Variants in USP53 observed in about 807,000 individuals in gnomAD.
USP53 encodes the protein ubiquitin specific peptidase 53, also known as ubiquitin carboxyl-terminal hydrolase 53.
Under a neutral mutation model 94.9 loss-of-function variants are expected in USP53, and 71 were observed. The observed-to-expected ratio is 0.75, with a 90% CI of 0.62 to 0.91. USP53 has a LOEUF of 0.91. Ranked by LOEUF, USP53 falls within the 40% of genes least tolerant of loss-of-function variation. The probability of loss-of-function intolerance (pLI) is 0.00; values close to 1 mark genes in which losing one functional copy is unlikely to be tolerated. For synonymous variants in USP53, 375 were observed against 422.7 expected (o/e 0.89, Z 1.39); for missense variants, 1,173 against 1,281.0 (o/e 0.92, Z 1.29).
intron 12 of USP53, among the ~76,000 whole-genome samples, chr4:119,264,977 T>C (rs1750933522): frequency 6.6e-6 from 1 of 152,188 alleles, no homozygotes; most frequent in African/African-American, 2.4e-5. Flanking sequence ...AGGACTGAAC[T>C]ATTGAACTGA....
rs370831967 is a variant in USP53 at position 119,245,001 on chromosome 4, G to A, written c.145-336G>A. 2.6e-5 allele frequency among the ~76,000 whole-genome samples: 4 copies of A among 152,134 alleles called. No homozygotes were observed. The East Asian group carries it at 5.8e-4, about 22-fold the overall frequency. On this transcript the variant is annotated intron_variant, in intron 5 of 18. Transcript: ENST00000692078. ...GTATTATAATCACTTCCTCTTTCATGTCTCTGCCAACTTCTCTATTTAGTA... is the reference window on the plus strand; with the variant it reads ...GTATTATAATCACTTCCTCTTTCATATCTCTGCCAACTTCTCTATTTAGTA...
At chr4:119,266,716 T>C (rs766988317) in intron 12 of USP53, among the ~76,000 whole-genome samples, 2 of 152,182 alleles carry the variant, frequency 1.3e-5, no homozygotes, top group Non-Finnish European at 2.9e-5. Flanking sequence ...GTTGCTTATT[T>C]TTTTTCAATT....
Position 119,248,036 on chromosome 4 carries a change from A to G in USP53, c.238-712A>G, listed in dbSNP as rs1748481438. 2.0e-5 allele frequency among the ~76,000 whole-genome samples: 3 copies of G among 152,164 alleles called. 1 individual carries two copies. The highest frequency in any genetic ancestry group is 4.1e-4 in the South Asian group (2 of 4,826). On this transcript the variant is annotated intron_variant, in intron 6 of 18. Transcript: ENST00000692078. ...GCTAACATGGGACTGAATGTGACCAATACTACTTTGGTGGGCTGTCATTGA... is the reference window on the plus strand; with the variant it reads ...GCTAACATGGGACTGAATGTGACCAGTACTACTTTGGTGGGCTGTCATTGA...
intron 5 of USP53, among the ~76,000 whole-genome samples, chr4:119,241,004 CTT>C (rs1747453089): frequency 6.6e-6 from 1 of 152,112 alleles, no homozygotes; most frequent in Admixed American, 6.5e-5. Context: ...GAATTAAATG[CTT>C]TTGATAGAAT....
intron 13 of USP53, 148 bp downstream of exon 13, chr4:119,267,630 T>C: frequency 1.0e-6 from 1 of 958,312 alleles, no homozygotes; most frequent in Non-Finnish European, 1.5e-6. Context: ...TTTTTGTTAG[T>C]ATTTTGGAAT....
At chr4:119,270,249 C>A (rs1352015289) in intron 15 of USP53, among the ~76,000 whole-genome samples, 1 of 151,678 alleles carries the variant, frequency 6.6e-6, no homozygotes. Flanking sequence ...CACATGCCAC[C>A]ACACCTGGCT....
At chr4:119,230,397 C>G (rs1222854233) in intron 3 of USP53, among the ~76,000 whole-genome samples, 1 of 152,120 alleles carries the variant, frequency 6.6e-6, no homozygotes, top group African/African-American at 2.4e-5. Context: ...TAAACACTAC[C>G]CCTTCCCTGC....
rs149950184 is a variant in USP53 at position 119,220,718 on chromosome 4, A to G, written c.-665+3045A>G. 647 of 152,302 alleles carry G rather than the reference A, an allele frequency of 4.2e-3. 3 individuals are homozygous for G. The highest frequency in any genetic ancestry group is 0.015 in the African/African-American group (624 of 41,566). 9.4% of individuals were successfully genotyped at this position (152,302 alleles called of 1,614,324 possible). The stretch of plus-strand genomic sequence containing the variant: ...AGAAATTTATGCTGTTAAGGAAAAA[A>G]TTATTCATGACAATTGTTAAAGATG... On this transcript the variant is annotated intron_variant, in intron 3 of 18. Transcript: ENST00000692078.
At position 119,256,479 on chromosome 4, in the gene USP53, A is replaced by G. The variant is rs776569834; in HGVS notation, c.525A>G (p.Leu175=). Residue 175 remains leucine (L), a synonymous_variant, in exon 9 of 19, where the codon CTA becomes CTG. Transcript: ENST00000692078. ...CRSCGASSDP[L]PFTEFVRYIS... ...GCTGTGGAGCATCGTCAGATCCTCT[A>G]CCTTTTACAGAATTTGTGCGGTACA... is the stretch of plus-strand genomic sequence containing the variant. 8 of 1,614,126 alleles carry G rather than the reference A, an allele frequency of 5.0e-6. 1 individual carries two copies. The South Asian group carries it at 7.7e-5, about 16-fold the overall frequency.
chr4:119,250,790 T>C (rs186331448), intron 7 of USP53, among the ~76,000 whole-genome samples: 32 of 152,312 alleles, frequency 2.1e-4, no homozygotes, highest in Admixed American at 7.8e-4. Flanking sequence ...ATATTGTAAA[T>C]CAATATTTAT....
chr4:119,255,320 G>A (rs184157792), intron 7 of USP53, among the ~76,000 whole-genome samples: 8 of 152,216 alleles, frequency 5.3e-5, no homozygotes, highest in Admixed American at 2.6e-4. Flanking sequence ...GTTCAGATAC[G>A]CCCTGCCCCT....
rs767622789 is a variant in USP53 at position 119,293,019 on chromosome 4, C to T, written c.3030C>T (p.Asn1010=). Residue 1010 remains asparagine (N), a synonymous_variant, in exon 19 of 19, where the codon AAC becomes AAT. Transcript: ENST00000692078. ...CCTCAACTAACGATTTTCAGGCAAA[C>T]TCAGGTGCCATTGATGCATTTTGCC... ...SSSSTNDFQA[N]SGAIDAFCQP... 3 of 1,614,106 alleles carry T rather than the reference C, an allele frequency of 1.9e-6. No individual in the cohort carries two copies. Among genetic ancestry groups the T allele is most frequent in the South Asian group, 2.2e-5 (2 of 91,080 alleles).
Position 119,293,238 on chromosome 4 carries a change from C to T in USP53, c.*27C>T, listed in dbSNP as rs779864035. 4.5e-6 allele frequency: 7 copies of T among 1,540,544 alleles called. No individual in the cohort carries two copies. The African/African-American group carries it at 8.3e-5, about 18-fold the overall frequency. On this transcript the variant is annotated 3_prime_UTR_variant, in exon 19 of 19. Coordinates refer to ENST00000692078, the MANE Select transcript of USP53 (RefSeq NM_001371395.1). ...GTGAAAAAGGACTAGACCTGTGTTA[C>T]ATAATAATCTTGGTTCAAGCTGCCC...
At chr4:119,291,143 T>TCGCCCCCCCCC in intron 17 of USP53, 22 bp from the exon 18 acceptor site, 1 of 747,566 alleles carries the variant, frequency 1.3e-6, no homozygotes, top group Non-Finnish European at 2.1e-6. Context: ...TCATCTCTTC[T>TCGCCCCCCCCC]CCCCACCCCA....
intron 3 of USP53, among the ~76,000 whole-genome samples, chr4:119,223,754 G>T (rs1218909310): frequency 2.0e-5 from 3 of 152,088 alleles, no homozygotes; most frequent in Non-Finnish European, 2.9e-5. Context: ...GGCCTTTAAG[G>T]TATATAATTC....
intron 6 of USP53, among the ~76,000 whole-genome samples, chr4:119,247,104 A>C (rs1188667622): frequency 6.6e-6 from 1 of 152,180 alleles, no homozygotes; most frequent in Non-Finnish European, 1.5e-5. Flanking sequence ...AGATCACATT[A>C]CAGTATCACA....
chr4:119,264,970 A>G (rs1226068309), intron 12 of USP53, among the ~76,000 whole-genome samples: 2 of 152,220 alleles, frequency 1.3e-5, no homozygotes, highest in African/African-American at 2.4e-5. Flanking sequence ...AGCAAGAAGG[A>G]CTGAACTATT....
At chr4:119,239,971 T>G in intron 5 of USP53, 68 bp downstream of exon 5, 2 of 1,271,856 alleles carry the variant, frequency 1.6e-6, no homozygotes, top group Non-Finnish European at 2.0e-6. Flanking sequence ...TAATGCTTCT[T>G]TAGCTCATAA....
intron 17 of USP53, among the ~76,000 whole-genome samples, chr4:119,278,594 T>C (rs1202400901): frequency 8.8e-6 from 1 of 114,178 alleles, no homozygotes; most frequent in Non-Finnish European, 1.9e-5. Flanking sequence ...GTTGCTCTTC[T>C]TGAGGAGTAT....
Sources: gnomAD v4.1 joint callset for allele counts (sites outside exome capture counted in the v4.1 genomes callset) on GRCh38, gnomAD v4.1.1 for gene constraint, MANE v1.5 for transcripts, NCBI Gene and HGNC (gene_info 2026-07-23, HGNC 2026-07-21) for gene names.